Variants in CAMTA1 observed in about 807,000 individuals in gnomAD.
The protein encoded by CAMTA1 is calmodulin-binding transcription activator 1.
Under a neutral mutation model 170.9 loss-of-function variants are expected in CAMTA1, and 27 were observed. That is an observed-to-expected ratio of 0.16 (90% CI 0.12 to 0.22). The LOEUF (loss-of-function observed/expected upper bound fraction) is 0.22. Among genes scored for constraint, CAMTA1 ranks in the 10% least tolerant of loss-of-function variants. The pLI, the probability that CAMTA1 is intolerant of heterozygous loss-of-function variation, is 1.00. For synonymous variants in CAMTA1, 833 were observed against 891.5 expected, an observed-to-expected ratio of 0.93 and a Z score of 1.17; for missense variants, 1,619 against 2,217.2, an observed-to-expected ratio of 0.73 and a Z score of 5.42.
In CAMTA1 at chr1:6,785,477, G is replaced by T. The variant is rs1638865648; in HGVS notation, c.-54G>T. 13 of 1,012,346 alleles carry T rather than the reference G, an allele frequency of 1.3e-5. No homozygotes were observed. The highest frequency in any genetic ancestry group is 1.4e-5 in the Non-Finnish European group (12 of 841,284). The allele number at this position is 1,012,346 out of a possible 1,614,324, so 62.7% of individuals were successfully genotyped here. A position where few individuals can be genotyped will look rare whatever the true frequency, so the allele number is the denominator to read the frequency against. ...GCGGCGGCGGGGTGGCTGGGCCGGCGGCGGCGGCGGTACGAGGCGCGCGCT... is the reference window on the plus strand; with the variant it reads ...GCGGCGGCGGGGTGGCTGGGCCGGCTGCGGCGGCGGTACGAGGCGCGCGCT... On this transcript the variant is annotated 5_prime_UTR_variant, in exon 1 of 23. Coordinates refer to ENST00000303635, the MANE Select transcript of CAMTA1 (RefSeq NM_015215.4).
At chr1:6,831,184 A>G (rs1341229308) in intron 3 of CAMTA1, among the ~76,000 whole-genome samples, 1 of 152,222 alleles carries the variant, frequency 6.6e-6, no homozygotes, top group Non-Finnish European at 1.5e-5. Flanking sequence ...TATATTAAAA[A>G]TAGAAATTTT....
At chr1:6,848,706 C>G (rs1009385718) in intron 3 of CAMTA1, among the ~76,000 whole-genome samples, 1 of 152,158 alleles carries the variant, frequency 6.6e-6, no homozygotes, top group Non-Finnish European at 1.5e-5. Flanking sequence ...AGGTTCAGTA[C>G]TTGAGGGCCT....
intron 5 of CAMTA1, among the ~76,000 whole-genome samples, chr1:7,393,066 A>AG (rs981871435): frequency 4.0e-5 from 6 of 151,624 alleles, no homozygotes; most frequent in Non-Finnish European, 8.8e-5. Context: ...AAAAAAAAAA[A>AG]AAAGTTTTAG....
intron 4 of CAMTA1, among the ~76,000 whole-genome samples, chr1:7,200,087 A>G (rs764090568): frequency 5.3e-5 from 8 of 152,252 alleles, no homozygotes; most frequent in Non-Finnish European, 1.0e-4. Context: ...AAAACATACA[A>G]GTACCATTTG....
intron 3 of CAMTA1, among the ~76,000 whole-genome samples, chr1:7,012,967 C>T (rs1700026093): frequency 6.6e-6 from 1 of 152,138 alleles, no homozygotes. Flanking sequence ...TCTGATCTGG[C>T]TGCTGCTTCC....
intron 4 of CAMTA1, among the ~76,000 whole-genome samples, chr1:7,126,023 G>GT (rs1215378237): frequency 2.6e-5 from 4 of 152,166 alleles, no homozygotes; most frequent in African/African-American, 9.7e-5. Context: ...CATGGCAGAA[G>GT]GTGAAGAGAG....
intron 3 of CAMTA1, among the ~76,000 whole-genome samples, chr1:7,033,798 T>A (rs1703148491): frequency 2.0e-5 from 3 of 152,092 alleles, no homozygotes; most frequent in African/African-American, 7.2e-5. Context: ...TTTACCATGT[T>A]GGCCAGGCTG....
At chr1:7,204,830 C>CTTTTTTTTTTTTTTTTTTTTTTTTTT (rs367812076) in intron 4 of CAMTA1, among the ~76,000 whole-genome samples, 2 of 86,808 alleles carry the variant, frequency 2.3e-5, no homozygotes, top group East Asian at 3.3e-4. Flanking sequence ...TTCTTTTTTT[C>CTTTTTTTTTTTTTTTTTTTTTTTTTT]TTTTTTTTTT....
At chr1:7,492,939 G>A (rs544530901) in intron 6 of CAMTA1, among the ~76,000 whole-genome samples, 13 of 85,772 alleles carry the variant, frequency 1.5e-4, no homozygotes, top group African/African-American at 4.6e-5. Context: ...ACACACGCAC[G>A]CACACATAAA....
intron 5 of CAMTA1, among the ~76,000 whole-genome samples, chr1:7,347,741 C>T (rs1231264729): frequency 1.3e-5 from 2 of 152,128 alleles, no homozygotes; most frequent in Non-Finnish European, 2.9e-5. Context: ...CGGCTTGCAG[C>T]TGCGTCCCTG....
Position 7,532,081 on chromosome 1 carries a change from G to A in CAMTA1, c.510+64180G>A, listed in dbSNP as rs537719349. Among the ~76,000 whole-genome samples the A allele has an allele frequency of 2.1e-4, 32 of 152,204 alleles. No homozygotes were observed. Among genetic ancestry groups the A allele is most frequent in the African/African-American group, 7.0e-4 (29 of 41,446 alleles). ...GCAGAGAGGAAGGGGCAGGGGCGGC[G>A]AATGAGTGACAGAAAAGGAGGCAGG... On this transcript the variant is annotated intron_variant, in intron 6 of 22. Transcript: ENST00000303635. The surrounding 1 kb of genome is among the most constrained non-coding windows in gnomAD (Gnocchi z 4.2).
Position 7,457,011 on chromosome 1 carries a change from T to C in CAMTA1, c.439-10819T>C, listed in dbSNP as rs201276510. Among the ~76,000 whole-genome samples, 171 of 147,386 alleles carry C rather than the reference T, an allele frequency of 1.2e-3. 1 individual carries two copies. The East Asian group carries it at 0.018, about 15-fold the overall frequency. On this transcript the variant is annotated intron_variant, in intron 5 of 22. Coordinates refer to ENST00000303635, the MANE Select transcript of CAMTA1 (RefSeq NM_015215.4). ...CTCCCGTTCCTCCTCCCTCCCATTC[T>C]TCCTCCCTCCCTTCCATTTCCCCTC...
At chr1:7,629,958 C>T (rs1256420284) in intron 6 of CAMTA1, among the ~76,000 whole-genome samples, 2 of 152,206 alleles carry the variant, frequency 1.3e-5, no homozygotes, top group African/African-American at 4.8e-5. Flanking sequence ...CACGTCACTG[C>T]CCTGGGATAC....
At chr1:7,757,305 C>T (rs1375528902) in intron 22 of CAMTA1, among the ~76,000 whole-genome samples, 1 of 152,214 alleles carries the variant, frequency 6.6e-6, no homozygotes, top group Non-Finnish European at 1.5e-5. Context: ...AAAGCAGCCA[C>T]AGACAACACA....
intron 5 of CAMTA1, among the ~76,000 whole-genome samples, chr1:7,458,299 T>C (rs2093008437): frequency 6.6e-6 from 1 of 152,162 alleles, no homozygotes; most frequent in African/African-American, 2.4e-5. Context: ...ATTCTAGCTT[T>C]ATCATGCCCC....
In CAMTA1 at chr1:7,671,022, C is replaced by T. The variant is rs2096055936; in HGVS notation, c.2764C>T (p.Arg922Cys). The T allele has an allele frequency of 3.7e-6, 6 of 1,613,346 alleles. No homozygotes were observed. The highest frequency in any genetic ancestry group is 1.3e-5 in the African/African-American group (1 of 74,898). Residue 922 changes from arginine (R) to cysteine (C), a missense_variant, in exon 10 of 23, where the codon CGC (arginine) becomes TGC (cysteine). Physicochemically the swap from Arg to Cys is radical, Grantham distance 180. Around this residue, in one of 8 missense-constraint regions of CAMTA1, gnomAD observed 29 missense variants for 70.9 expected, o/e 0.41. Coordinates refer to ENST00000303635, the MANE Select transcript of CAMTA1 (RefSeq NM_015215.4). ...PASLIQPGVL[R>C]CYCPAHDTGL... ...ATCCCTGATTCAGCCTGGGGTGCTGCGCTGCTACTGCCCAGGTGAGAAAGC... is the reference window on the plus strand; with the variant it reads ...ATCCCTGATTCAGCCTGGGGTGCTGTGCTGCTACTGCCCAGGTGAGAAAGC...
rs145639470 is a variant in CAMTA1 at position 7,124,928 on chromosome 1, G to A, written c.302+33557G>A. 2.6e-5 allele frequency among the ~76,000 whole-genome samples: 4 copies of A among 152,294 alleles called. No individual in the cohort carries two copies. The East Asian group carries it at 5.8e-4, about 22-fold the overall frequency. ...AGTGGGAGTCAGGAAGGGGAAGGGA[G>A]GAGATTTTGTCGGGGGAAGTTTTCC... On this transcript the variant is annotated intron_variant, in intron 4 of 22. Transcript: ENST00000303635.
At chr1:6,842,595 T>C (rs978211067) in intron 3 of CAMTA1, among the ~76,000 whole-genome samples, 2 of 152,106 alleles carry the variant, frequency 1.3e-5, no homozygotes, top group African/African-American at 4.8e-5. Flanking sequence ...TCAAAAGAAG[T>C]CTTCACTGTG....
chr1:6,973,187 C>G (rs1692837401), intron 3 of CAMTA1, among the ~76,000 whole-genome samples: 1 of 152,186 alleles, frequency 6.6e-6, no homozygotes, highest in South Asian at 2.1e-4. Context: ...ACATGTGTTG[C>G]TATCTTTAGG....
Sources: gnomAD v4.1 joint callset for allele counts (sites outside exome capture counted in the v4.1 genomes callset) on GRCh38, gnomAD v4.1.1 for gene constraint, gnomAD v4.1.1 regional missense constraint, Gnocchi (gnomAD v3.1) non-coding constraint, MANE v1.5 for transcripts, NCBI Gene and HGNC (gene_info 2026-07-23, HGNC 2026-07-21) for gene names.